The following ANKDD1A variants were observed in gnomAD, a reference collection of about 807,000 sequenced individuals.
The protein encoded by ANKDD1A is ankyrin repeat and death domain-containing protein 1A.
A neutral mutation model predicts 63.5 loss-of-function variants in ANKDD1A; 59 were observed. The observed-to-expected ratio is 0.93, with a 90% CI of 0.75 to 1.15. The LOEUF is 1.15. Among genes scored for constraint, ANKDD1A ranks in the 50% most tolerant of loss-of-function variants. The pLI is 0.00. For missense variants in ANKDD1A, 632 were observed against 656.4 expected, an observed-to-expected ratio of 0.96 and a Z score of 0.41; for synonymous variants, 266 against 263.9, an observed-to-expected ratio of 1.01 and a Z score of -0.08.
intron 9 of ANKDD1A, among the ~76,000 whole-genome samples, chr15:64,934,891 A>G (rs1156230301): frequency 6.6e-6 from 1 of 151,862 alleles, no homozygotes; most frequent in Non-Finnish European, 1.5e-5. Flanking sequence ...TTACTGTTAT[A>G]CATTTGGTCC....
intron 9 of ANKDD1A, among the ~76,000 whole-genome samples, chr15:64,937,450 C>CG (rs1288952751): frequency 1.3e-5 from 2 of 152,074 alleles, no homozygotes; most frequent in Non-Finnish European, 2.9e-5. Context: ...TGAGGACGGC[C>CG]GGGCGCAGTG....
chr15:64,934,212 G>A lies in ANKDD1A; in HGVS notation c.845G>A (p.Gly282Asp). 6.2e-7 allele frequency: 1 copy of A among 1,612,184 alleles called. No individual in the cohort carries two copies. The highest frequency in any genetic ancestry group is 8.5e-7 in the Non-Finnish European group (1 of 1,179,096). Reference protein sequence around the residue: ...DVSRVLIHAGGCANVVDHQGA... With the variant: ...DVSRVLIHAGDCANVVDHQGA... ...TCTCGGGTCCTCATCCACGCAGGAG[G>A]CTGCGCCAACGTGGTTGATCATGTA... Residue 282 changes from glycine (G) to aspartate (D), a missense_variant, in exon 9 of 15, where the codon GGC becomes GAC. By Grantham distance (94) the Gly-to-Asp change is moderately conservative. Transcript: ENST00000319580.
intron 8 of ANKDD1A, among the ~76,000 whole-genome samples, chr15:64,933,703 G>A (rs368918498): frequency 2.2e-4 from 34 of 152,124 alleles, no homozygotes; most frequent in East Asian, 2.1e-3. Flanking sequence ...TTAGCTGGGC[G>A]TAGTGGCAGG....
Position 64,926,240 on chromosome 15 carries a change from G to A in ANKDD1A, c.471+70G>A, listed in dbSNP as rs1047498622. 4.9e-6 allele frequency: 7 copies of A among 1,429,122 alleles called. No homozygotes were observed. The African/African-American group carries it at 8.5e-5, about 17-fold the overall frequency. The allele number at this position is 1,429,122 out of a possible 1,614,324, so 88.5% of individuals were successfully genotyped here. A position where few individuals can be genotyped will look rare whatever the true frequency, so the allele number is the denominator to read the frequency against. Reference sequence around the variant, plus strand: ...GCTCCTGGGGCCACTCTTGCACACTGGGCTTACCACATTCCTTGGGTGCAT... The same window carrying A: ...GCTCCTGGGGCCACTCTTGCACACTAGGCTTACCACATTCCTTGGGTGCAT... On this transcript the variant is annotated intron_variant, in intron 5 of 14. Transcript: ENST00000319580.
chr15:64,950,784 C>T (rs1445409057), intron 14 of ANKDD1A: 2 of 958,870 alleles, frequency 2.1e-6, no homozygotes, highest in Non-Finnish European at 2.4e-6. Context: ...AAAGCTAAGA[C>T]TCATTTCAGG....
intron 6 of ANKDD1A, among the ~76,000 whole-genome samples, chr15:64,930,448 CACACAAAG>C (rs2085080651): frequency 6.6e-6 from 1 of 152,072 alleles, no homozygotes; most frequent in South Asian, 2.1e-4. Flanking sequence ...ACTAACGTCT[CACACAAAG>C]ACTTGAGGGA....
At chr15:64,945,656 G>A (rs1294552376) in intron 12 of ANKDD1A, among the ~76,000 whole-genome samples, 8 of 39,830 alleles carry the variant, frequency 2.0e-4, no homozygotes, top group African/African-American at 5.9e-4. Context: ...TTTTTGAGAC[G>A]GAGTCTCACT....
chr15:64,929,208 C>G (rs2085069893), intron 6 of ANKDD1A, among the ~76,000 whole-genome samples: 7 of 152,168 alleles, frequency 4.6e-5, no homozygotes, highest in Admixed American at 4.6e-4. Flanking sequence ...AGATCTTACT[C>G]TGTTGCCCAG....
At position 64,957,165 on chromosome 15, in the gene ANKDD1A, C is replaced by G. The variant is rs2085425397; in HGVS notation, c.1546C>G (p.Leu516Val). The change falls in exon 15 of 15, where the codon CTT (leucine) becomes GTT (valine). Residue 516 changes from leucine (L) to valine (V), a missense_variant. Transcript: ENST00000319580. ...ATSASRVQMI[L>V]VPQPPE ...CTCCGCCTCCCGGGTTCAAATGATT[C>G]TTGTGCCTCAGCCTCCCGAGTAGCT... 1 of 431,374 alleles carries G rather than the reference C, an allele frequency of 2.3e-6. No homozygotes were observed. Among genetic ancestry groups the G allele is most frequent in the Non-Finnish European group, 4.6e-6 (1 of 216,722 alleles). The allele number at this position is 431,374 out of a possible 1,614,324, so 26.7% of individuals were successfully genotyped here. A position where few individuals can be genotyped will look rare whatever the true frequency, so the allele number is the denominator to read the frequency against.
intron 14 of ANKDD1A, chr15:64,950,729 GCCCCCCCCCCCCCCCCCC>G (rs57067556): frequency 2.6e-6 from 2 of 756,262 alleles, no homozygotes; most frequent in Non-Finnish European, 1.5e-6. Context: ...AGAAAGGACC[GCCCCCCCCCCCCCCCCCC>G]CCCATAGCTG....
chr15:64,912,271 C>T (rs2084937288), intron 1 of ANKDD1A, among the ~76,000 whole-genome samples: 1 of 152,180 alleles, frequency 6.6e-6, no homozygotes, highest in Non-Finnish European at 1.5e-5. Flanking sequence ...CAGGCCTTGA[C>T]CCAGGAGAGG....
At chr15:64,918,360 C>T (rs1041878783) in intron 3 of ANKDD1A, among the ~76,000 whole-genome samples, 2 of 152,230 alleles carry the variant, frequency 1.3e-5, no homozygotes, top group African/African-American at 2.4e-5. Context: ...TCCCAGGCCT[C>T]ACTATGTGGG....
At chr15:64,954,234 TTCG>T (rs2085378050) in intron 14 of ANKDD1A, among the ~76,000 whole-genome samples, 1 of 149,422 alleles carries the variant, frequency 6.7e-6, no homozygotes, top group Non-Finnish European at 1.5e-5. Flanking sequence ...CTTCCTCTCC[TTCG>T]TCTTCTTAGT....
rs551703117 is a variant in ANKDD1A, at chr15:64,928,346, G to A, written c.570+1347G>A. The stretch of plus-strand genomic sequence containing the variant: ...GCATGCAAAGAGCGGGGAGGGCAGT[G>A]CCTGCCAGGACTGGCAAACCCAAGA... On this transcript the variant is annotated intron_variant, in intron 6 of 14. Coordinates refer to ENST00000319580, the MANE Select transcript of ANKDD1A (RefSeq NM_182703.6). 1.6e-4 allele frequency among the ~76,000 whole-genome samples: 24 copies of A among 152,360 alleles called. No homozygotes were observed. In the East Asian group the frequency reaches 4.4e-3, roughly 28 times the overall value.
rs577420074 is a variant in ANKDD1A, at chr15:64,952,853, T to TCTC, written c.1483+2884_1483+2886dup. 1.7e-3 allele frequency among the ~76,000 whole-genome samples: 34 copies of TCTC among 19,526 alleles called. 1 individual carries two copies. The South Asian group carries it at 0.12, about 67-fold the overall frequency. The allele number at this position is 19,526 out of a possible 152,430, so 12.8% of individuals were successfully genotyped here. A position where few individuals can be genotyped will look rare whatever the true frequency, so the allele number is the denominator to read the frequency against. ...TTCTTCCTTTCTTCTCCTTGTCTCT[T>TCTC]CTCCTTCTTCTTTTCTTCTCTTTCT... On this transcript the variant is annotated intron_variant, in intron 14 of 14. Coordinates refer to ENST00000319580, the MANE Select transcript of ANKDD1A (RefSeq NM_182703.6).
rs891877593 is a variant in ANKDD1A at position 64,935,599 on chromosome 15, C to T, written c.867+1365C>T. Among the ~76,000 whole-genome samples, 5 of 151,902 alleles carry T rather than the reference C, an allele frequency of 3.3e-5. No individual in the cohort carries two copies. The South Asian group carries it at 6.2e-4, about 19-fold the overall frequency. On this transcript the variant is annotated intron_variant, in intron 9 of 14. Coordinates refer to ENST00000319580, the MANE Select transcript of ANKDD1A (RefSeq NM_182703.6). ...CTGAGGCAGGAGAATGGCATGAACC[C>T]GGGAGGCAGAGCTTGCAGTGAGCCG...
intron 9 of ANKDD1A, among the ~76,000 whole-genome samples, chr15:64,939,446 C>A (rs2140377192): frequency 6.6e-6 from 1 of 152,234 alleles, no homozygotes; most frequent in East Asian, 1.9e-4. Context: ...GCGAGACTGT[C>A]TCTACAAAAA....
At chr15:64,922,677 T>C (rs1342880262) in intron 4 of ANKDD1A, among the ~76,000 whole-genome samples, 1 of 152,204 alleles carries the variant, frequency 6.6e-6, no homozygotes, top group Non-Finnish European at 1.5e-5. Flanking sequence ...AGTCTTGCTG[T>C]GTCACCCAGG....
intron 3 of ANKDD1A, among the ~76,000 whole-genome samples, chr15:64,919,134 A>T: frequency 6.6e-6 from 1 of 152,166 alleles, no homozygotes; most frequent in Non-Finnish European, 1.5e-5. Flanking sequence ...TGGCCTGGAC[A>T]GTTCCTAGGA....
Sources: allele counts gnomAD v4.1 joint callset (sites outside exome capture counted in the v4.1 genomes callset), GRCh38; gene constraint gnomAD v4.1.1; transcripts MANE v1.5; gene names NCBI Gene and HGNC (gene_info 2026-07-23, HGNC 2026-07-21).